The following SCLT1 variants were observed in gnomAD, a reference collection of about 807,000 sequenced individuals.
The protein encoded by SCLT1 is sodium channel and clathrin linker 1, also known as sodium channel-associated protein 1.
A neutral mutation model predicts 112.8 loss-of-function variants in SCLT1; 78 were observed. That is an observed-to-expected ratio of 0.69 (90% confidence interval 0.58 to 0.83). SCLT1 has a LOEUF of 0.83. Ranked by LOEUF, SCLT1 falls within the 40% of genes least tolerant of loss-of-function variation. SCLT1 has a pLI of 0.00. For synonymous variants in SCLT1, 257 were observed against 254.7 expected (o/e 1.01, Z -0.09); for missense variants, 747 against 770.4 (o/e 0.97, Z 0.36).
At chr4:129,016,970 AATTTTACTTTTCT>A (rs1745047753) in intron 5 of SCLT1, among the ~76,000 whole-genome samples, 3 of 152,102 alleles carry the variant, frequency 2.0e-5, no homozygotes, top group African/African-American at 7.2e-5. Context: ...ATTTATTTTC[AATTTTACTTTTCT>A]ATTAGTTAAA....
At chr4:128,882,994 A>G (rs1490550945), downstream of SCLT1, among the ~76,000 whole-genome samples, 1 of 151,912 alleles carries the variant, frequency 6.6e-6, no homozygotes, top group Non-Finnish European at 1.5e-5. Context: ...TAAAAATAGA[A>G]AAATTAGTGG....
chr4:129,044,943 C>A (rs1166142395), intron 2 of SCLT1, among the ~76,000 whole-genome samples: 1 of 150,918 alleles, frequency 6.6e-6, no homozygotes, highest in Non-Finnish European at 1.5e-5. Flanking sequence ...CAGTAACAAA[C>A]ACAACAGTAT....
intron 18 of SCLT1, among the ~76,000 whole-genome samples, chr4:128,914,053 A>T (rs1579360004): frequency 6.6e-6 from 1 of 152,268 alleles, no homozygotes; most frequent in South Asian, 2.1e-4. Flanking sequence ...GGCGATTTGG[A>T]TATCATTTTG....
chr4:128,894,677 T>G (rs1418700169), intron 18 of SCLT1, among the ~76,000 whole-genome samples: 4 of 152,038 alleles, frequency 2.6e-5, no homozygotes, highest in African/African-American at 4.8e-5. Context: ...TTTCTCACTT[T>G]GTCTTTCTTT....
chr4:129,015,478 T>A (rs950138569), intron 5 of SCLT1, among the ~76,000 whole-genome samples: 8 of 152,076 alleles, frequency 5.3e-5, no homozygotes, highest in Non-Finnish European at 1.2e-4. Flanking sequence ...CTATCTGAGC[T>A]GGGGCAAGTC....
intron 5 of SCLT1, among the ~76,000 whole-genome samples, chr4:129,004,561 ATACT>A (rs1349672360): frequency 6.6e-6 from 1 of 152,128 alleles, no homozygotes; most frequent in Admixed American, 6.6e-5. Context: ...AAAATAATAC[ATACT>A]TAAGAGAAAA....
At position 129,066,524 on chromosome 4, in the gene SCLT1, C is replaced by T. The variant is rs577137008; in HGVS notation, c.102+15782G>A. ...GCAATTCTAGTAAATCTTAAGATAA[C>T]GCCAATTTTAGGTAGACATACTAAA... On this transcript the variant is annotated intron_variant, in intron 2 of 20. Coordinates refer to ENST00000281142, the MANE Select transcript of SCLT1 (RefSeq NM_144643.4). Among the ~76,000 whole-genome samples, 23 of 151,946 alleles carry T rather than the reference C, an allele frequency of 1.5e-4. No homozygotes were observed. The East Asian group carries it at 1.7e-3, about 11-fold the overall frequency.
chr4:129,056,992 C>T (rs926902871), intron 2 of SCLT1, among the ~76,000 whole-genome samples: 1 of 152,176 alleles, frequency 6.6e-6, no homozygotes, highest in Non-Finnish European at 1.5e-5. Flanking sequence ...CTTAATTGGG[C>T]TGAGATACAT....
At chr4:129,080,014 T>C (rs1377246791) in intron 2 of SCLT1, among the ~76,000 whole-genome samples, 1 of 152,200 alleles carries the variant, frequency 6.6e-6, no homozygotes, top group African/African-American at 2.4e-5. Flanking sequence ...CAGCTGGAGC[T>C]GAAGCAGCTG....
intron 2 of SCLT1, among the ~76,000 whole-genome samples, chr4:129,050,140 T>C (rs1180793854): frequency 6.6e-6 from 1 of 152,234 alleles, no homozygotes; most frequent in Non-Finnish European, 1.5e-5. Context: ...AGTCTATCAT[T>C]GATAGGCATT....
At chr4:129,013,380 G>C (rs1243761423) in intron 5 of SCLT1, among the ~76,000 whole-genome samples, 1 of 152,164 alleles carries the variant, frequency 6.6e-6, no homozygotes, top group Non-Finnish European at 1.5e-5. Flanking sequence ...TTGCAGACTT[G>C]TTTATGTGGT....
intron 17 of SCLT1, among the ~76,000 whole-genome samples, chr4:128,940,870 T>C (rs1737631559): frequency 6.6e-6 from 1 of 152,114 alleles, no homozygotes; most frequent in East Asian, 1.9e-4. Context: ...ATTTATGAAA[T>C]ATTTTAATTA....
chr4:129,058,730 G>A (rs560284084), intron 2 of SCLT1, among the ~76,000 whole-genome samples: 67 of 152,186 alleles, frequency 4.4e-4, no homozygotes, highest in African/African-American at 1.5e-3. Flanking sequence ...GATCCATTTG[G>A]TCTATAGTTT....
At chr4:128,960,190 C>T (rs1001553670) in intron 11 of SCLT1, among the ~76,000 whole-genome samples, 1 of 152,132 alleles carries the variant, frequency 6.6e-6, no homozygotes, top group African/African-American at 2.4e-5. Flanking sequence ...TTCATACTCT[C>T]TACCCAGACA....
chr4:129,028,622 G>T (rs1466414832), intron 5 of SCLT1, among the ~76,000 whole-genome samples: 4 of 152,090 alleles, frequency 2.6e-5, no homozygotes, highest in Non-Finnish European at 5.9e-5. Context: ...TATGGGCAAG[G>T]ACTTCATGTC....
At chr4:128,953,219 C>T (rs1049742253) in intron 13 of SCLT1, among the ~76,000 whole-genome samples, 3 of 152,126 alleles carry the variant, frequency 2.0e-5, no homozygotes, top group Non-Finnish European at 4.4e-5. Flanking sequence ...TTAACCTGAA[C>T]AATATTTTTA....
At chr4:128,971,080 C>T (rs1183479906) in intron 9 of SCLT1, 3 of 152,070 alleles carry the variant, frequency 2.0e-5, no homozygotes, top group Non-Finnish European at 2.9e-5. Flanking sequence ...CTTCTTAACT[C>T]CTCATAGGAA....
rs532978170 is a variant in SCLT1, at chr4:129,032,185, C to T, written c.290+6856G>A. Among the ~76,000 whole-genome samples, 19 of 152,228 alleles carry T rather than the reference C, an allele frequency of 1.2e-4. 1 individual carries two copies. In the South Asian group the frequency reaches 4.0e-3, roughly 32 times the overall value. ...AACAGAAAACTCAGAAATAACACCA[C>T]ACATCTACAACCATCTGATCTTCAA... is the stretch of plus-strand genomic sequence containing the variant. On this transcript the variant is annotated intron_variant, in intron 5 of 20. Transcript: ENST00000281142.
At chr4:128,894,276 T>C (rs960256956) in intron 18 of SCLT1, among the ~76,000 whole-genome samples, 1 of 151,802 alleles carries the variant, frequency 6.6e-6, no homozygotes, top group African/African-American at 2.4e-5. Context: ...TAAAAAAACT[T>C]GGTCCTTTGA....
Sources: allele counts gnomAD v4.1 joint callset (sites outside exome capture counted in the v4.1 genomes callset), GRCh38; gene constraint gnomAD v4.1.1; transcripts MANE v1.5; gene names NCBI Gene and HGNC (gene_info 2026-07-23, HGNC 2026-07-21).